Variants in PTK2B observed in about 807,000 individuals in gnomAD.
The protein encoded by PTK2B is protein-tyrosine kinase 2-beta.
Under a neutral mutation model 142.9 loss-of-function variants are expected in PTK2B, and 71 were observed. The ratio of observed to expected loss-of-function variants is 0.50; its 90% CI spans 0.41 to 0.61. The LOEUF (loss-of-function observed/expected upper bound fraction) is 0.61, where lower values mean the gene tolerates loss of function less well. PTK2B is among the 20% of genes least tolerant of loss of function. PTK2B has a pLI of 0.00. For missense variants in PTK2B, 1,105 were observed against 1,320.4 expected (o/e 0.84, Z 2.53); for synonymous variants, 519 against 503.4 (o/e 1.03, Z -0.42).
rs201484400 is a variant in PTK2B, at chr8:27,434,151, A to G, written c.1145+19A>G. 217 of 1,612,698 alleles carry G rather than the reference A, an allele frequency of 1.3e-4. No homozygotes were observed. The East Asian group carries it at 2.9e-3, about 22-fold the overall frequency. On this transcript the variant is annotated intron_variant, in intron 12 of 30. Transcript: ENST00000346049. ...CCATGCTGTGAGTACAATGGGGTGC[A>G]GAGGACAGGGCCCTGAGCTCAGCCT...
chr8:27,422,298 C>A lies in PTK2B; in HGVS notation c.472-6C>A, dbSNP rs912816164. On this transcript the variant is annotated splice_polypyrimidine_tract_variant and splice_region_variant and intron_variant, in intron 4 of 30. Coordinates refer to ENST00000346049, the MANE Select transcript of PTK2B (RefSeq NM_173176.3). ...AAGCCTGATGCTTGACCTTTCTCCCCACCAGCTCCGGAACGACTACATGCA... is the reference window on the plus strand; with the variant it reads ...AAGCCTGATGCTTGACCTTTCTCCCAACCAGCTCCGGAACGACTACATGCA... 6.2e-7 allele frequency: 1 copy of A among 1,612,582 alleles called. No homozygotes were observed. Among genetic ancestry groups the A allele is most frequent in the African/African-American group, 1.3e-5 (1 of 75,040 alleles).
chr8:27,411,826 A>G (rs915108865), intron 2 of PTK2B, among the ~76,000 whole-genome samples: 10 of 151,852 alleles, frequency 6.6e-5, no homozygotes, highest in Non-Finnish European at 1.5e-4. Flanking sequence ...CTCCCCTTAC[A>G]CCCCAATTGC....
intron 1 of PTK2B, among the ~76,000 whole-genome samples, chr8:27,393,740 A>T (rs1219946427): frequency 6.6e-6 from 1 of 152,118 alleles, no homozygotes; most frequent in Non-Finnish European, 1.5e-5. Context: ...GTGTTCCCAC[A>T]TGCACCCTGC....
chr8:27,402,523 T>C (rs1808445153), intron 2 of PTK2B, among the ~76,000 whole-genome samples: 2 of 152,152 alleles, frequency 1.3e-5, no homozygotes, highest in Non-Finnish European at 2.9e-5. Flanking sequence ...ATGAGATCAT[T>C]TGGGAAAGGG....
intron 10 of PTK2B, 24 bp downstream of exon 10, chr8:27,432,385 A>G (rs201945609): frequency 6.2e-7 from 1 of 1,605,908 alleles, no homozygotes; most frequent in African/African-American, 1.3e-5. Flanking sequence ...GGCACTGGGC[A>G]CCTGGCAGCT....
chr8:27,385,204 C>G (rs1330230332), intron 1 of PTK2B, among the ~76,000 whole-genome samples: 1 of 152,116 alleles, frequency 6.6e-6, no homozygotes, highest in Non-Finnish European at 1.5e-5. Flanking sequence ...AGTGCTAGCC[C>G]AGGGTTGGGC....
upstream of PTK2B, among the ~76,000 whole-genome samples, chr8:27,324,232 CCTT>C (rs1427767655): frequency 1.3e-5 from 2 of 152,378 alleles, no homozygotes; most frequent in Admixed American, 6.5e-5. Context: ...CACCTGACCA[CCTT>C]CTGACCTGCT....
At chr8:27,327,352 G>A (rs929275949) in intron 1 of PTK2B, among the ~76,000 whole-genome samples, 1 of 152,122 alleles carries the variant, frequency 6.6e-6, no homozygotes, top group Admixed American at 6.5e-5. Flanking sequence ...GAGATTGCCA[G>A]ATTTAGCCAA....
Position 27,437,457 on chromosome 8 carries a change from G to A in PTK2B, c.1488G>A (p.Glu496=). 6.2e-7 allele frequency: 1 copy of A among 1,613,114 alleles called. No homozygotes were observed. Among genetic ancestry groups the A allele is most frequent in the East Asian group, 2.2e-5 (1 of 44,878 alleles). ...IVKLIGIIEE[E]PTWIIMELYP... is the part of the protein sequence containing the mutation. ...AGCTGATCGGCATCATTGAAGAGGA[G>A]CCCACCTGGATCATCATGGAATTGT... Residue 496 remains glutamate, a synonymous_variant, in exon 17 of 31, where the codon GAG becomes GAA. Transcript: ENST00000346049.
rs570222359 is a variant in PTK2B at position 27,448,535 on chromosome 8, G to T, written c.2341-2214G>T. ...TAATCTGTGTTTGTTAGAATATGTG[G>T]TACGATCAGGCCTGAGGCATGCTAG... On this transcript the variant is annotated intron_variant, in intron 24 of 30. Coordinates refer to ENST00000346049, the MANE Select transcript of PTK2B (RefSeq NM_173176.3). Among the ~76,000 whole-genome samples, 4 of 152,324 alleles carry T rather than the reference G, an allele frequency of 2.6e-5. No homozygotes were observed. The South Asian group carries it at 8.3e-4, about 32-fold the overall frequency.
chr8:27,364,412 A>G (rs1193750227), intron 1 of PTK2B, among the ~76,000 whole-genome samples: 1 of 152,246 alleles, frequency 6.6e-6, no homozygotes, highest in Non-Finnish European at 1.5e-5. Flanking sequence ...TGGAGCCCCA[A>G]AGGGTAAACA....
intron 2 of PTK2B, among the ~76,000 whole-genome samples, chr8:27,411,863 C>T (rs1459665099): frequency 6.6e-6 from 1 of 152,220 alleles, no homozygotes; most frequent in African/African-American, 2.4e-5. Flanking sequence ...AGGCCATTCA[C>T]ACTTCTGACC....
At chr8:27,370,627 A>C (rs1382585501) in intron 1 of PTK2B, among the ~76,000 whole-genome samples, 1 of 152,228 alleles carries the variant, frequency 6.6e-6, no homozygotes, top group Non-Finnish European at 1.5e-5. Context: ...CTTCATCCAC[A>C]TGAGACTCAA....
chr8:27,311,248 C>A (rs1236649272), upstream of PTK2B: 2 of 1,492,982 alleles, frequency 1.3e-6, no homozygotes, highest in South Asian at 2.7e-5. Context: ...CACGAGCAGC[C>A]GGCTCGGGCG....
rs138045483 is a variant in PTK2B, at chr8:27,435,717, G to A, written c.1193-26G>A. On this transcript the variant is annotated intron_variant, in intron 13 of 30. Coordinates refer to ENST00000346049, the MANE Select transcript of PTK2B (RefSeq NM_173176.3). ...TGCCCACCAAGGGCATCTTGTCCAC[G>A]GCTGAGCCTCTTCCTGTTGTTCCAG... The A allele has an allele frequency of 8.1e-5, 130 of 1,613,854 alleles. 1 individual carries two copies. Among genetic ancestry groups the A allele is most frequent in the East Asian group, 4.0e-4 (18 of 44,868 alleles).
At chr8:27,402,100 G>A (rs1191036103) in intron 2 of PTK2B, among the ~76,000 whole-genome samples, 3 of 152,162 alleles carry the variant, frequency 2.0e-5, no homozygotes, top group Non-Finnish European at 2.9e-5. Flanking sequence ...CAGTAAGGGG[G>A]GAAGCCTATT....
intron 1 of PTK2B, among the ~76,000 whole-genome samples, chr8:27,345,244 C>T (rs1198211632): frequency 6.6e-6 from 1 of 152,230 alleles, no homozygotes; most frequent in Non-Finnish European, 1.5e-5. Flanking sequence ...TTATTTCTCC[C>T]TCTTTTCCCA....
chr8:27,389,938 A>G (rs1344770991), intron 1 of PTK2B, among the ~76,000 whole-genome samples: 2 of 152,178 alleles, frequency 1.3e-5, no homozygotes, highest in Non-Finnish European at 2.9e-5. Context: ...GTCATTGCCA[A>G]TTAGTTAAGT....
intron 5 of PTK2B, among the ~76,000 whole-genome samples, chr8:27,423,293 C>T (rs996395512): frequency 1.3e-5 from 2 of 152,162 alleles, no homozygotes; most frequent in Non-Finnish European, 2.9e-5. Flanking sequence ...ACCAGGGCAG[C>T]ACCATTGAGT....
Sources: allele counts gnomAD v4.1 joint callset (sites outside exome capture counted in the v4.1 genomes callset), GRCh38; gene constraint gnomAD v4.1.1; transcripts MANE v1.5; gene names NCBI Gene and HGNC (gene_info 2026-07-23, HGNC 2026-07-21).